C6orf62: variants seen among roughly 807,000 people sequenced by gnomAD.
C6orf62 encodes chromosome 6 open reading frame 62.
A neutral mutation model predicts 26.8 loss-of-function variants in C6orf62; 16 were observed. That is an observed-to-expected ratio of 0.60 (90% confidence interval 0.40 to 0.91). The LOEUF (loss-of-function observed/expected upper bound fraction) is 0.91. C6orf62 is among the 40% of genes least tolerant of loss of function. The probability of loss-of-function intolerance (pLI) is 0.00; values close to 1 mark genes in which losing one functional copy is unlikely to be tolerated. For missense variants in C6orf62, 192 were observed against 271.4 expected, an observed-to-expected ratio of 0.71 and a Z score of 2.06; for synonymous variants, 112 against 91.5, an observed-to-expected ratio of 1.22 and a Z score of -1.28.
chr6:24,710,932 C>T (rs1779108845), intron 3 of C6orf62, among the ~76,000 whole-genome samples: 1 of 152,002 alleles, frequency 6.6e-6, no homozygotes, highest in South Asian at 2.1e-4. Context: ...TTCAAGGCTG[C>T]AGTGAGCCAT....
At chr6:24,709,787 T>C in intron 3 of C6orf62, 1 of 985,474 alleles carries the variant, frequency 1.0e-6, no homozygotes. Flanking sequence ...CACCAAATGC[T>C]ACATGACATG....
At chr6:24,709,287 G>C in intron 3 of C6orf62, 2 of 985,176 alleles carry the variant, frequency 2.0e-6, no homozygotes, top group South Asian at 4.7e-5. Context: ...CTAAATCCTA[G>C]TACTCCACGA....
Position 24,718,837 on chromosome 6 carries a change from CAG to C in C6orf62, c.-171_-170del. 1 of 1,470,096 alleles carries C rather than the reference CAG, an allele frequency of 6.8e-7. No homozygotes were observed. The highest frequency in any genetic ancestry group is 8.9e-7 in the Non-Finnish European group (1 of 1,119,782). 91.1% of individuals were successfully genotyped at this position (1,470,096 alleles called of 1,614,324 possible). A position where few individuals can be genotyped will look rare whatever the true frequency, so the allele number is the denominator to read the frequency against. On this transcript the variant is annotated 5_prime_UTR_variant, in exon 1 of 5. An upstream open reading frame in the 5' UTR loses its in-frame stop. Coordinates refer to ENST00000378119, the MANE Select transcript of C6orf62 (RefSeq NM_030939.5). ...AAACTGCACCTTCTGTCAATATTAG[CAG>C]ACTGTCATATTACAGGGTCAAGAAA...
intron 4 of C6orf62, among the ~76,000 whole-genome samples, chr6:24,708,251 C>T (rs1177099106): frequency 1.1e-5 from 1 of 88,022 alleles, no homozygotes; most frequent in Non-Finnish European, 2.5e-5. Context: ...GGTTTTTTCC[C>T]GTTTAAAAAA....
At chr6:24,711,155 G>A (rs1204983490) in intron 3 of C6orf62, among the ~76,000 whole-genome samples, 2 of 152,144 alleles carry the variant, frequency 1.3e-5, no homozygotes, top group African/African-American at 4.8e-5. Flanking sequence ...AAAGGTTTGA[G>A]TGAGACTGAA....
chr6:24,719,907 C>T, upstream of C6orf62: 1 of 1,540,842 alleles, frequency 6.5e-7, no homozygotes, highest in Non-Finnish European at 8.8e-7. Context: ...CTCATTTCAT[C>T]GTGGAAACAA....
chr6:24,710,409 C>T (rs147192113), intron 3 of C6orf62: 4,225 of 336,756 alleles, frequency 0.013, 161 homozygotes, highest in African/African-American at 0.084. Context: ...GGAATACAGG[C>T]ATGCACCACC....
chr6:24,719,847 G>A, upstream of C6orf62: 6 of 1,511,200 alleles, frequency 4.0e-6, no homozygotes, highest in Non-Finnish European at 5.4e-6. Flanking sequence ...TGCCTTCAGC[G>A]GCAGCGACTC....
Position 24,716,332 on chromosome 6 carries a change from A to G in C6orf62, c.130-8T>C, listed in dbSNP as rs532628021. ...AAGTGCTGACTTTTTCTTCTAGAAG[A>G]AAAGAAAATGGTGTATTAACCCACA... On this transcript the variant is annotated splice_region_variant and splice_polypyrimidine_tract_variant and intron_variant, in intron 1 of 4. Coordinates refer to ENST00000378119, the MANE Select transcript of C6orf62 (RefSeq NM_030939.5). 13 of 1,610,508 alleles carry G rather than the reference A, an allele frequency of 8.1e-6. No individual in the cohort carries two copies. The East Asian group carries it at 2.7e-4, about 33-fold the overall frequency.
At chr6:24,706,842 G>C (rs1779019944) in intron 4 of C6orf62, 1 of 153,106 alleles carries the variant, frequency 6.5e-6, no homozygotes, top group African/African-American at 2.4e-5. Flanking sequence ...AGGAGGTCAA[G>C]GCTGCGGTGA....
At chr6:24,719,386 A>C, upstream of C6orf62, 1 of 1,008,418 alleles carries the variant, frequency 9.9e-7, no homozygotes. Context: ...GTAGAGAAGG[A>C]AAGGGAGAGG....
In C6orf62 at chr6:24,706,191, G is replaced by A; in HGVS notation, c.636C>T (p.Thr212=). 2.5e-6 allele frequency: 4 copies of A among 1,614,210 alleles called. No individual in the cohort carries two copies. Among genetic ancestry groups the A allele is most frequent in the Non-Finnish European group, 3.4e-6 (4 of 1,180,036 alleles). ...ICLYLPQEQL[T]HWAVGTIEDH... ...CCTCTATGGTGCCAACTGCCCAGTG[G>A]GTGAGCTGTTCCTGTGGCAGGTAGA... The change falls in exon 5 of 5, where the codon ACC becomes ACT. Residue 212 remains threonine (T), a synonymous_variant. Transcript: ENST00000378119.
upstream of C6orf62, chr6:24,720,283 AGAGGCGGCGGCGGCGGGG>A: frequency 1.5e-6 from 2 of 1,294,204 alleles, no homozygotes; most frequent in Non-Finnish European, 1.9e-6. Context: ...CGGCGGCGGA[AGAGGCGGCGGCGGCGGGG>A]GCGCTGCTGG....
intron 3 of C6orf62, among the ~76,000 whole-genome samples, chr6:24,710,894 A>C (rs1288357431): frequency 6.6e-6 from 1 of 151,990 alleles, no homozygotes; most frequent in Non-Finnish European, 1.5e-5. Context: ...CATGAGGTTG[A>C]GGTGGGAGGA....
At chr6:24,708,630 G>T in intron 4 of C6orf62, 147 bp downstream of exon 4, 1 of 1,068,400 alleles carries the variant, frequency 9.4e-7, no homozygotes, top group Non-Finnish European at 1.4e-6. Context: ...GAGCCACCAT[G>T]CCCAGCCTAT....
At position 24,706,014 on chromosome 6, in the gene C6orf62, A is replaced by C. The variant is rs1446926865; in HGVS notation, c.*123T>G. 6.8e-6 allele frequency: 9 copies of C among 1,322,804 alleles called. No homozygotes were observed. In the East Asian group the frequency reaches 2.3e-4, roughly 34 times the overall value. 81.9% of individuals were successfully genotyped at this position (1,322,804 alleles called of 1,614,324 possible). A position where few individuals can be genotyped will look rare whatever the true frequency, so the allele number is the denominator to read the frequency against. ...AAAATCCAGGATGAACAAGTTTCAA[A>C]ATGCATAGTGTTCTGTGCATGAGTC... On this transcript the variant is annotated 3_prime_UTR_variant, in exon 5 of 5. Transcript: ENST00000378119.
chr6:24,719,564 A>C, upstream of C6orf62: 1 of 1,230,334 alleles, frequency 8.1e-7, no homozygotes, highest in South Asian at 2.3e-5. Flanking sequence ...TGACGGCAGA[A>C]GGAAAAGGGG....
rs766379543 is a variant in C6orf62 at position 24,714,269 on chromosome 6, T to C, written c.429+49A>G. 3.8e-5 allele frequency: 56 copies of C among 1,476,514 alleles called. No individual in the cohort carries two copies. The Middle Eastern group carries it at 9.0e-4, about 24-fold the overall frequency. The allele number at this position is 1,476,514 out of a possible 1,614,324, so 91.5% of individuals were successfully genotyped here. Reference sequence around the variant, plus strand: ...TCTCAAGTTAGACCCTATTATATTCTAGTAGTTTTCACATATTGAAATACT... The same window carrying C: ...TCTCAAGTTAGACCCTATTATATTCCAGTAGTTTTCACATATTGAAATACT... On this transcript the variant is annotated intron_variant, in intron 3 of 4. Transcript: ENST00000378119.
At chr6:24,715,870 A>AAAAAAAAAAAAAAAAAAG (rs146648741) in intron 2 of C6orf62, among the ~76,000 whole-genome samples, 1 of 146,270 alleles carries the variant, frequency 6.8e-6, no homozygotes, top group African/African-American at 2.6e-5. Flanking sequence ...AAAAAAAAAA[A>AAAAAAAAAAAAAAAAAAG]GTCCGAGATC....
Sources: gnomAD v4.1 joint callset for allele counts (sites outside exome capture counted in the v4.1 genomes callset) on GRCh38, gnomAD v4.1.1 for gene constraint, MANE v1.5 for transcripts, NCBI Gene and HGNC (gene_info 2026-07-23, HGNC 2026-07-21) for gene names.